Variants in LRRC4C observed in about 807,000 individuals in gnomAD.
LRRC4C encodes leucine-rich repeat-containing protein 4C.
In LRRC4C, 5 loss-of-function variants were observed where a neutral mutation model predicts 33.6. That is an observed-to-expected ratio of 0.15 (90% CI 0.08 to 0.31). LRRC4C has a LOEUF of 0.31. Ranked by LOEUF, LRRC4C falls within the 10% of genes least tolerant of loss-of-function variation. LRRC4C has a pLI of 1.00. For missense variants in LRRC4C, 560 were observed against 796.7 expected (o/e 0.70, Z 3.58); for synonymous variants, 329 against 302.0 (o/e 1.09, Z -0.93).
chr11:41,086,131 T>G (rs1939970870), intron 1 of LRRC4C, among the ~76,000 whole-genome samples: 1 of 152,060 alleles, frequency 6.6e-6, no homozygotes, highest in Non-Finnish European at 1.5e-5. Flanking sequence ...CAATTTTAAA[T>G]TTACTCTTCA....
chr11:41,347,863 C>T (rs375568043), intron 1 of LRRC4C, among the ~76,000 whole-genome samples: 10 of 152,090 alleles, frequency 6.6e-5, no homozygotes, highest in South Asian at 4.1e-4. Flanking sequence ...GTTCTGATTA[C>T]GCTAAAATGC....
At chr11:40,895,759 C>T (rs1360817568) in intron 2 of LRRC4C, among the ~76,000 whole-genome samples, 1 of 152,040 alleles carries the variant, frequency 6.6e-6, no homozygotes, top group Non-Finnish European at 1.5e-5. Context: ...CACTAAATTG[C>T]CTTTATAACT....
chr11:40,905,150 A>G (rs1592049210), intron 2 of LRRC4C, among the ~76,000 whole-genome samples: 1 of 152,044 alleles, frequency 6.6e-6, no homozygotes, highest in Non-Finnish European at 1.5e-5. Context: ...GGCGGGGAGG[A>G]TTTGAATGTT....
intron 1 of LRRC4C, among the ~76,000 whole-genome samples, chr11:41,191,022 T>C (rs1945921415): frequency 6.6e-6 from 1 of 152,176 alleles, no homozygotes. Context: ...TTGATTACAG[T>C]AATCTGTTTT....
intron 1 of LRRC4C, among the ~76,000 whole-genome samples, chr11:40,982,749 C>T (rs1020142689): frequency 1.3e-5 from 2 of 151,920 alleles, no homozygotes; most frequent in Non-Finnish European, 2.9e-5. Context: ...GGTGTTTATT[C>T]TATAGATTAT....
At chr11:40,360,865 G>A (rs957765925) in intron 3 of LRRC4C, among the ~76,000 whole-genome samples, 2 of 152,176 alleles carry the variant, frequency 1.3e-5, no homozygotes, top group African/African-American at 4.8e-5. Context: ...ATAGTGGCAA[G>A]TTGAATCTAG....
intron 1 of LRRC4C, among the ~76,000 whole-genome samples, chr11:41,189,661 G>T (rs1008274514): frequency 7.2e-5 from 11 of 152,184 alleles, no homozygotes; most frequent in Non-Finnish European, 1.6e-4. Flanking sequence ...CATGCCCCAA[G>T]GTGATGGCAG....
chr11:40,934,925 A>G (rs578149877), intron 1 of LRRC4C, among the ~76,000 whole-genome samples: 1 of 152,258 alleles, frequency 6.6e-6, no homozygotes, highest in Admixed American at 6.5e-5. Flanking sequence ...ATTTCTCCTC[A>G]GGTCAGAACA....
intron 2 of LRRC4C, among the ~76,000 whole-genome samples, chr11:40,845,220 T>C (rs1177454408): frequency 1.3e-5 from 2 of 152,134 alleles, no homozygotes; most frequent in Non-Finnish European, 2.9e-5. Context: ...GTTTGTTACA[T>C]AGGTATGCAT....
At chr11:40,451,038 ACT>A (rs145436158) in intron 3 of LRRC4C, among the ~76,000 whole-genome samples, 2,468 of 151,828 alleles carry the variant, frequency 0.016, 81 homozygotes, top group African/African-American at 0.056. Flanking sequence ...AATAGATGTA[ACT>A]CTCTCTATAT....
At chr11:40,786,386 G>T (rs1950411734) in intron 2 of LRRC4C, among the ~76,000 whole-genome samples, 1 of 152,100 alleles carries the variant, frequency 6.6e-6, no homozygotes, top group Non-Finnish European at 1.5e-5. Context: ...ATCATCACAA[G>T]AAGAAAATAC....
intron 1 of LRRC4C, among the ~76,000 whole-genome samples, chr11:41,001,863 ATT>A (rs5791412): frequency 0.49 from 71,514 of 145,736 alleles, 17,907 homozygotes; most frequent in South Asian, 0.61. Context: ...GGTCTGTGAC[ATT>A]TTTTTTTTTT....
Position 40,118,283 on chromosome 11 carries a change from A to G in LRRC4C, c.-42-1949T>C, listed in dbSNP as rs1855583650. On this transcript the variant is annotated intron_variant, in intron 6 of 6. Transcript: ENST00000528697. ...TAAAATATTTTATTATAAAATAATC[A>G]TATCTAACATTTATTGAGTTCTGAC... 2.7e-5 allele frequency among the ~76,000 whole-genome samples: 4 copies of G among 150,888 alleles called. No homozygotes were observed. In the South Asian group the frequency reaches 6.2e-4, roughly 23 times the overall value.
At chr11:40,122,916 A>G (rs1209424615) in intron 6 of LRRC4C, among the ~76,000 whole-genome samples, 1 of 150,104 alleles carries the variant, frequency 6.7e-6, no homozygotes, top group Non-Finnish European at 1.5e-5. Flanking sequence ...ACTTTTTTAT[A>G]TCTATATAAA....
intron 2 of LRRC4C, among the ~76,000 whole-genome samples, chr11:40,771,646 T>C (rs1221826866): frequency 1.3e-5 from 2 of 152,142 alleles, no homozygotes; most frequent in African/African-American, 2.4e-5. Flanking sequence ...TGCTTAGAAA[T>C]TTTTTCCACC....
At chr11:40,141,845 G>C (rs1857387695) in intron 5 of LRRC4C, among the ~76,000 whole-genome samples, 1 of 152,122 alleles carries the variant, frequency 6.6e-6, no homozygotes, top group Non-Finnish European at 1.5e-5. Context: ...ATTTTGTCTG[G>C]AACAGACAAT....
intron 1 of LRRC4C, among the ~76,000 whole-genome samples, chr11:41,128,978 T>C (rs1255559492): frequency 6.6e-6 from 1 of 152,040 alleles, no homozygotes; most frequent in East Asian, 1.9e-4. Flanking sequence ...GAATACAATT[T>C]GCTATATATA....
At chr11:40,877,624 A>G (rs551076772) in intron 2 of LRRC4C, among the ~76,000 whole-genome samples, 2 of 152,298 alleles carry the variant, frequency 1.3e-5, no homozygotes, top group Admixed American at 1.3e-4. Flanking sequence ...AGTAGCTGGC[A>G]TGATCAACTC....
intron 4 of LRRC4C, among the ~76,000 whole-genome samples, chr11:40,299,250 T>A (rs1002700077): frequency 6.6e-6 from 1 of 152,212 alleles, no homozygotes; most frequent in Admixed American, 6.5e-5. Flanking sequence ...CACTAACTCC[T>A]CTGTCACCTT....
Sources: gnomAD v4.1 joint callset for allele counts (sites outside exome capture counted in the v4.1 genomes callset) on GRCh38, gnomAD v4.1.1 for gene constraint, MANE v1.5 for transcripts, NCBI Gene and HGNC (gene_info 2026-07-23, HGNC 2026-07-21) for gene names.